The following IGBP1 variants were observed in gnomAD, a reference collection of about 807,000 sequenced individuals.
The protein encoded by IGBP1 is immunoglobulin-binding protein 1.
IGBP1 carries 2 observed loss-of-function variants against 25.9 expected under a neutral mutation model. The ratio of observed to expected loss-of-function variants is 0.08; its 90% confidence interval spans 0.03 to 0.24. IGBP1 has a LOEUF of 0.24. Ranked by LOEUF, IGBP1 falls within the 10% of genes least tolerant of loss-of-function variation. The pLI is 1.00. For synonymous variants in IGBP1, 96 were observed against 93.4 expected, an observed-to-expected ratio of 1.03 and a Z score of -0.16; for missense variants, 187 against 260.4, an observed-to-expected ratio of 0.72 and a Z score of 1.94.
chrX:70,134,907 A>T (rs926138101), intron 3 of IGBP1, 91 bp downstream of exon 3: 3 of 874,942 alleles, frequency 3.4e-6, no homozygotes, highest in Non-Finnish European at 5.1e-6. Flanking sequence ...CCAGAATGGT[A>T]TGTGTCACTT....
intron 6 of IGBP1, among the ~76,000 whole-genome samples, chrX:70,161,069 T>C (rs1363949496): frequency 2.7e-5 from 3 of 111,790 alleles, no homozygotes; most frequent in African/African-American, 6.5e-5. Flanking sequence ...TTTTGCTCTA[T>C]TCACTGAAAA....
At chrX:70,142,959 T>C (rs1296816756) in intron 3 of IGBP1, among the ~76,000 whole-genome samples, 1 of 97,901 alleles carries the variant, frequency 1.0e-5, no homozygotes, top group Non-Finnish European at 2.1e-5. Flanking sequence ...GTTTCACTCT[T>C]GTTGCCCAGG....
At chrX:70,162,049 CCTG>C (rs2085273698) in intron 6 of IGBP1, among the ~76,000 whole-genome samples, 3 of 111,933 alleles carry the variant, frequency 2.7e-5, no homozygotes, top group Non-Finnish European at 3.8e-5. Flanking sequence ...TGTAGATACT[CCTG>C]CTTCAAGGAG....
intron 6 of IGBP1, among the ~76,000 whole-genome samples, chrX:70,153,672 G>T (rs2085217189): frequency 8.9e-6 from 1 of 111,971 alleles, no homozygotes; most frequent in Non-Finnish European, 1.9e-5. Flanking sequence ...GTTTCTGAGG[G>T]TGAGGAATTC....
intron 6 of IGBP1, among the ~76,000 whole-genome samples, chrX:70,165,608 T>G (rs1264629972): frequency 1.8e-5 from 2 of 110,624 alleles, no homozygotes; most frequent in East Asian, 2.8e-4. Context: ...GATTTTTGCC[T>G]TCTTGTGGAA....
At chrX:70,138,473 C>T (rs1185833804) in intron 3 of IGBP1, among the ~76,000 whole-genome samples, 1 of 62,871 alleles carries the variant, frequency 1.6e-5, no homozygotes, top group Non-Finnish European at 3.1e-5. Context: ...AGAGCGAGAC[C>T]CTGTCTCAAA....
chrX:70,136,725 A>ATTG (rs1467661159), intron 3 of IGBP1, among the ~76,000 whole-genome samples: 1 of 101,145 alleles, frequency 9.9e-6, no homozygotes, highest in African/African-American at 4.3e-5. Context: ...TATTATTATT[A>ATTG]TTATACAGAG....
At chrX:70,157,715 C>T (rs938437883) in intron 6 of IGBP1, among the ~76,000 whole-genome samples, 1 of 111,766 alleles carries the variant, frequency 8.9e-6, no homozygotes, top group African/African-American at 3.2e-5. Flanking sequence ...ACAGGTGATA[C>T]TTGTGTGTGC....
chrX:70,145,734 C>T (rs908129315), intron 3 of IGBP1, among the ~76,000 whole-genome samples: 1 of 111,707 alleles, frequency 9.0e-6, no homozygotes, highest in African/African-American at 3.2e-5. Context: ...TCACAGCCCT[C>T]GTATTTGCTT....
At chrX:70,143,972 G>A (rs2085149158) in intron 3 of IGBP1, among the ~76,000 whole-genome samples, 1 of 112,418 alleles carries the variant, frequency 8.9e-6, no homozygotes, top group Non-Finnish European at 1.9e-5. Context: ...CAGATCATCT[G>A]ACGTCAGGAG....
chrX:70,135,060 A>C (rs1047506071), intron 3 of IGBP1, among the ~76,000 whole-genome samples: 2 of 112,498 alleles, frequency 1.8e-5, no homozygotes, highest in Non-Finnish European at 3.8e-5. Context: ...AATGTAGTTT[A>C]GCAGAGTGTC....
intron 4 of IGBP1, 59 bp from the exon 5 acceptor site, chrX:70,148,702 C>A (rs1355477127): frequency 2.6e-6 from 2 of 779,397 alleles, no homozygotes; most frequent in African/African-American, 2.1e-5. Flanking sequence ...ACTTAAGAGC[C>A]CGTATGGTAT....
chrX:70,140,021 TC>T (rs1160640696), intron 3 of IGBP1, among the ~76,000 whole-genome samples: 1 of 112,724 alleles, frequency 8.9e-6, no homozygotes, highest in African/African-American at 3.2e-5. Flanking sequence ...TAATTCTTCA[TC>T]CTCTAGGTCT....
chrX:70,133,947 G>A lies in IGBP1; in HGVS notation c.-1G>A. On this transcript the variant is annotated 5_prime_UTR_variant, in exon 2 of 7. Coordinates refer to ENST00000356413, the MANE Select transcript of IGBP1 (RefSeq NM_001551.3). ...ATCTTCCGGGTTCCTCTCTCCCCAA[G>A]ATGGCTGCTGAGGACGAGTTACAGC... is the stretch of plus-strand genomic sequence containing the variant. The A allele has an allele frequency of 1.7e-6, 2 of 1,209,986 alleles. No individual in the cohort carries two copies. The highest frequency in any genetic ancestry group is 2.2e-6 in the Non-Finnish European group (2 of 894,052).
intron 3 of IGBP1, among the ~76,000 whole-genome samples, chrX:70,139,178 C>T (rs1209980487): frequency 1.8e-5 from 2 of 110,149 alleles, no homozygotes; most frequent in Non-Finnish European, 3.8e-5. Flanking sequence ...GGCATGGTGG[C>T]GGGTGCCTGT....
At chrX:70,142,916 G>GTTTTTTT (rs772662468) in intron 3 of IGBP1, among the ~76,000 whole-genome samples, 3 of 49,035 alleles carry the variant, frequency 6.1e-5, no homozygotes, top group Admixed American at 3.2e-4. Context: ...TTATCGAGTT[G>GTTTTTTT]TTTTTTTTTT....
chrX:70,133,592 C>T (rs1296472914), intron 1 of IGBP1, 52 bp downstream of exon 1: 6 of 399,354 alleles, frequency 1.5e-5, no homozygotes, highest in Non-Finnish European at 2.6e-5. Flanking sequence ...GTCCGCACTC[C>T]TCGCGCTCCG....
At chrX:70,146,600 T>C in intron 3 of IGBP1, 33 bp from the exon 4 acceptor site, 1 of 1,154,013 alleles carries the variant, frequency 8.7e-7, no homozygotes, top group Non-Finnish European at 1.2e-6. Flanking sequence ...TCTTCATTTG[T>C]AAGTTCATGG....
chrX:70,138,467 C>CGA (rs1178606593), intron 3 of IGBP1, among the ~76,000 whole-genome samples: 1 of 73,703 alleles, frequency 1.4e-5, no homozygotes, highest in Non-Finnish European at 2.4e-5. Context: ...GGTGACAGAG[C>CGA]GAGACCCTGT....
Sources: allele counts gnomAD v4.1 joint callset (sites outside exome capture counted in the v4.1 genomes callset), GRCh38; gene constraint gnomAD v4.1.1; transcripts MANE v1.5; gene names NCBI Gene and HGNC (gene_info 2026-07-23, HGNC 2026-07-21).